SLC38A1: variants seen among roughly 807,000 people sequenced by gnomAD.
SLC38A1 encodes the protein solute carrier family 38 member 1.
In SLC38A1, 18 loss-of-function variants were observed where a neutral mutation model predicts 60.3. The observed-to-expected ratio is 0.30, with a 90% confidence interval of 0.21 to 0.44. The LOEUF is 0.44. Ranked by LOEUF, SLC38A1 falls within the 20% of genes least tolerant of loss-of-function variation. The probability of loss-of-function intolerance (pLI) is 1.00; values close to 1 mark genes in which losing one functional copy is unlikely to be tolerated. For missense variants in SLC38A1, 448 were observed against 587.2 expected (o/e 0.76, Z 2.45); for synonymous variants, 196 against 212.1 (o/e 0.92, Z 0.66).
intron 5 of SLC38A1, among the ~76,000 whole-genome samples, chr12:46,223,846 TAAG>T (rs1202498477): frequency 6.6e-6 from 1 of 152,204 alleles, no homozygotes; most frequent in African/African-American, 2.4e-5. Context: ...TAATACATGT[TAAG>T]AAGTTATGGA....
intron 16 of SLC38A1, among the ~76,000 whole-genome samples, chr12:46,193,444 G>A (rs530232597): frequency 6.6e-6 from 1 of 152,266 alleles, no homozygotes; most frequent in South Asian, 2.1e-4. Flanking sequence ...ATGTCTATGA[G>A]GTCCGCTTGG....
intron 3 of SLC38A1, among the ~76,000 whole-genome samples, chr12:46,230,497 T>G (rs1006970295): frequency 6.6e-6 from 1 of 152,204 alleles, no homozygotes; most frequent in Non-Finnish European, 1.5e-5. Flanking sequence ...CATCATCTTA[T>G]CAAGTTATTG....
At chr12:46,227,122 C>T (rs534250476) in intron 5 of SLC38A1, among the ~76,000 whole-genome samples, 2 of 151,008 alleles carry the variant, frequency 1.3e-5, no homozygotes, top group East Asian at 3.9e-4. Flanking sequence ...GACTTCACAA[C>T]AGAAAAAAGC....
intron 1 of SLC38A1, among the ~76,000 whole-genome samples, chr12:46,256,414 T>C (rs7974664): frequency 0.015 from 2,235 of 152,126 alleles, 53 homozygotes; most frequent in African/African-American, 0.05. Flanking sequence ...TCTTTTATAT[T>C]ACACACACAT....
chr12:46,189,479 C>G (rs1939053150), intron 16 of SLC38A1, among the ~76,000 whole-genome samples: 1 of 152,036 alleles, frequency 6.6e-6, no homozygotes, highest in Non-Finnish European at 1.5e-5. Context: ...CACTGGCAAG[C>G]AAACATTTCT....
rs1164791444 is a variant in SLC38A1, at chr12:46,223,012, TTATATTGGAAAGTAAAAGGTAAG to T, written c.314+6118_314+6140del. ...TTTATAAGGTGATTTTAAAGGTACATTATATTGGAAAGTAAAAGGTAAGTACTAACTTGCAAGCATCCGTTGAT... is the reference window on the plus strand; with the variant it reads ...TTTATAAGGTGATTTTAAAGGTACATTACTAACTTGCAAGCATCCGTTGAT... On this transcript the variant is annotated intron_variant, in intron 5 of 16. Coordinates refer to ENST00000398637, the MANE Select transcript of SLC38A1 (RefSeq NM_030674.4). Among the ~76,000 whole-genome samples the T allele has an allele frequency of 1.1e-4, 17 of 152,292 alleles. No homozygotes were observed. The South Asian group carries it at 1.5e-3, about 13-fold the overall frequency.
At chr12:46,207,665 C>T (rs756139631) in intron 6 of SLC38A1, 44 bp from the exon 7 acceptor site, 1 of 1,555,832 alleles carries the variant, frequency 6.4e-7, no homozygotes, top group Non-Finnish European at 8.9e-7. Flanking sequence ...TGACAGGGTT[C>T]AGAAAGTTAA....
chr12:46,256,490 C>A (rs989623459), intron 1 of SLC38A1, among the ~76,000 whole-genome samples: 15 of 152,140 alleles, frequency 9.9e-5, no homozygotes, highest in Admixed American at 9.8e-4. Flanking sequence ...AATTCAACCC[C>A]GAACCCGGGC....
rs1188650247 is a variant in SLC38A1, at chr12:46,187,878, A to T, written c.*1092T>A. The T allele has an allele frequency of 6.6e-6, 1 of 151,948 alleles. No homozygotes were observed. Among genetic ancestry groups the T allele is most frequent in the Non-Finnish European group, 1.5e-5 (1 of 68,014 alleles). The allele number at this position is 151,948 out of a possible 1,614,324, so 9.4% of individuals were successfully genotyped here. A position where few individuals can be genotyped will look rare whatever the true frequency, so the allele number is the denominator to read the frequency against. On this transcript the variant is annotated 3_prime_UTR_variant, in exon 17 of 17. Transcript: ENST00000398637. ...AAGGTACAAAATTCTTGTATTTGTA[A>T]TAACCTAGATTTATAGATATAAAAC... is the stretch of plus-strand genomic sequence containing the variant.
intron 1 of SLC38A1, among the ~76,000 whole-genome samples, chr12:46,247,708 A>C (rs1391669103): frequency 2.6e-5 from 4 of 152,228 alleles, no homozygotes; most frequent in Non-Finnish European, 1.5e-5. Flanking sequence ...GTCTTCAAGA[A>C]GAGCAACTCC....
chr12:46,219,597 A>AAGG (rs1940568721), intron 5 of SLC38A1, among the ~76,000 whole-genome samples: 1 of 152,160 alleles, frequency 6.6e-6, no homozygotes, highest in Non-Finnish European at 1.5e-5. Flanking sequence ...CTGGCCCACA[A>AAGG]AGGAGTAGTT....
rs893971782 is a variant in SLC38A1, at chr12:46,220,474, C to T, written c.314+8679G>A. On this transcript the variant is annotated intron_variant, in intron 5 of 16. Transcript: ENST00000398637. ...GTCCGATGGACCTCCTAGGATCATC[C>T]GGAAGAGTAGGGTTTCCTTATTGAC... Among the ~76,000 whole-genome samples the T allele has an allele frequency of 4.6e-5, 7 of 152,112 alleles. No individual in the cohort carries two copies. In the East Asian group the frequency reaches 9.6e-4, roughly 21 times the overall value.
At chr12:46,204,253 T>A (rs893269908) in intron 11 of SLC38A1, 48 bp downstream of exon 11, 9 of 1,128,792 alleles carry the variant, frequency 8.0e-6, no homozygotes, top group Non-Finnish European at 1.2e-5. Flanking sequence ...AAATAGAATG[T>A]CCTTAATAAA....
intron 5 of SLC38A1, among the ~76,000 whole-genome samples, chr12:46,224,359 G>C (rs1940783300): frequency 6.6e-6 from 1 of 152,028 alleles, no homozygotes; most frequent in African/African-American, 2.4e-5. Context: ...TCTTACAACA[G>C]GACAGGACTC....
chr12:46,268,264 ACAAAC>A lies in SLC38A1; in HGVS notation c.-209+257_-209+261del, dbSNP rs1942427424. Among the ~76,000 whole-genome samples the A allele has an allele frequency of 6.6e-6, 1 of 152,194 alleles. No homozygotes were observed. The highest frequency in any genetic ancestry group is 2.4e-5 in the African/African-American group (1 of 41,436). On this transcript the variant is annotated intron_variant, in intron 1 of 16. Transcript: ENST00000398637. The surrounding 1 kb of genome is among the most constrained non-coding windows in gnomAD (Gnocchi z 4.4). The stretch of plus-strand genomic sequence containing the variant: ...GAAAACACACCAAAGTCACAGGAAA[ACAAAC>A]CAAAAAGTAAGCCACAGCCCACGCA...
chr12:46,208,259 C>T (rs1313997430), intron 6 of SLC38A1, among the ~76,000 whole-genome samples: 1 of 152,198 alleles, frequency 6.6e-6, no homozygotes, highest in Non-Finnish European at 1.5e-5. Flanking sequence ...TCGACTAGCT[C>T]ATCTCAATAA....
chr12:46,196,621 T>C (rs1939391052), intron 16 of SLC38A1, among the ~76,000 whole-genome samples: 1 of 152,220 alleles, frequency 6.6e-6, no homozygotes, highest in African/African-American at 2.4e-5. Flanking sequence ...GATGCTCTAC[T>C]AGCATCAGTG....
intron 1 of SLC38A1, among the ~76,000 whole-genome samples, chr12:46,248,787 C>A (rs1371924407): frequency 2.6e-5 from 4 of 152,188 alleles, no homozygotes; most frequent in Non-Finnish European, 5.9e-5. Context: ...CACTCCTCAG[C>A]AAATGTAAAA....
intron 2 of SLC38A1, among the ~76,000 whole-genome samples, chr12:46,242,774 C>A (rs964620489): frequency 6.6e-6 from 1 of 152,114 alleles, no homozygotes; most frequent in Non-Finnish European, 1.5e-5. Flanking sequence ...TGTGCTCCAA[C>A]CTGGGCAACA....
Sources: gnomAD v4.1 joint callset for allele counts (sites outside exome capture counted in the v4.1 genomes callset) on GRCh38, gnomAD v4.1.1 for gene constraint, Gnocchi (gnomAD v3.1) non-coding constraint, MANE v1.5 for transcripts, NCBI Gene and HGNC (gene_info 2026-07-23, HGNC 2026-07-21) for gene names.